KIF16B: variants seen among roughly 807,000 people sequenced by gnomAD.
The protein encoded by KIF16B is kinesin-like protein KIF16B.
KIF16B carries 98 observed loss-of-function variants against 156.3 expected under a neutral mutation model. The ratio of observed to expected loss-of-function variants is 0.63; its 90% CI spans 0.53 to 0.74. KIF16B has a LOEUF of 0.74. Ranked by LOEUF, KIF16B falls within the 30% of genes least tolerant of loss-of-function variation. KIF16B has a pLI of 0.00. For synonymous variants in KIF16B, 564 were observed against 583.7 expected (o/e 0.97, Z 0.49); for missense variants, 1,421 against 1,606.5 (o/e 0.88, Z 1.97).
At chr20:16,295,433 A>G (rs936692443) in intron 25 of KIF16B, among the ~76,000 whole-genome samples, 1 of 151,734 alleles carries the variant, frequency 6.6e-6, no homozygotes, top group South Asian at 2.1e-4. Flanking sequence ...ATCTATACAC[A>G]TCTATAATCT....
intron 12 of KIF16B, among the ~76,000 whole-genome samples, chr20:16,434,520 TAGAA>T (rs1276259863): frequency 6.6e-6 from 1 of 152,212 alleles, no homozygotes; most frequent in Non-Finnish European, 1.5e-5. Flanking sequence ...TTCCCCCTCT[TAGAA>T]AGTCTACCTG....
rs2064659222 is a variant in KIF16B, at chr20:16,366,081, CAG to C, written c.3498+4503_3498+4504del. On this transcript the variant is annotated intron_variant, in intron 22 of 25. Transcript: ENST00000354981. Reference sequence around the variant, plus strand: ...GATAGGATTTTTGGACAGAGGGGGACAGAGAGGAAAGGGTTGATCAGAGGAGC... The same window carrying C: ...GATAGGATTTTTGGACAGAGGGGGACAGAGGAAAGGGTTGATCAGAGGAGC... Among the ~76,000 whole-genome samples the C allele has an allele frequency of 7.7e-4, 14 of 18,262 alleles. No homozygotes were observed. The African/African-American group carries it at 0.011, about 15-fold the overall frequency. The allele number at this position is 18,262 out of a possible 152,430, so 12.0% of individuals were successfully genotyped here. A position where few individuals can be genotyped will look rare whatever the true frequency, so the allele number is the denominator to read the frequency against.
intron 23 of KIF16B, among the ~76,000 whole-genome samples, chr20:16,336,385 T>C (rs938663960): frequency 6.6e-6 from 1 of 152,182 alleles, no homozygotes; most frequent in Non-Finnish European, 1.5e-5. Flanking sequence ...CACAACAGTA[T>C]ATTTTGCTTT....
At chr20:16,491,430 CAGT>C (rs2068288205) in intron 12 of KIF16B, among the ~76,000 whole-genome samples, 1 of 152,114 alleles carries the variant, frequency 6.6e-6, no homozygotes, top group African/African-American at 2.4e-5. Flanking sequence ...ACATAGAGTA[CAGT>C]ACAGAGGATA....
chr20:16,321,553 T>C (rs2063773198), intron 24 of KIF16B, among the ~76,000 whole-genome samples: 1 of 152,016 alleles, frequency 6.6e-6, no homozygotes, highest in African/African-American at 2.4e-5. Context: ...ATGCTGATGA[T>C]TAAAATCTCC....
chr20:16,391,973 G>A (rs1340248410), intron 17 of KIF16B, among the ~76,000 whole-genome samples: 1 of 152,172 alleles, frequency 6.6e-6, no homozygotes, highest in Non-Finnish European at 1.5e-5. Context: ...CAATGACAAG[G>A]AGTTACAGAC....
intron 25 of KIF16B, among the ~76,000 whole-genome samples, chr20:16,277,624 AC>A (rs934042385): frequency 6.6e-6 from 1 of 152,028 alleles, no homozygotes; most frequent in Non-Finnish European, 1.5e-5. Flanking sequence ...CTTGTTGTTG[AC>A]CCCAAAGTCA....
chr20:16,354,816 C>A (rs2064405974), intron 23 of KIF16B, among the ~76,000 whole-genome samples: 1 of 152,092 alleles, frequency 6.6e-6, no homozygotes, highest in Non-Finnish European at 1.5e-5. Context: ...CGTGGTGGCA[C>A]ATGCCTGTAA....
At chr20:16,541,206 A>G (rs2070183298) in intron 1 of KIF16B, among the ~76,000 whole-genome samples, 1 of 152,202 alleles carries the variant, frequency 6.6e-6, no homozygotes, top group Non-Finnish European at 1.5e-5. Context: ...TCTCCATGAA[A>G]TCATGAAAGC....
intron 12 of KIF16B, among the ~76,000 whole-genome samples, chr20:16,434,665 G>T (rs1276050429): frequency 6.6e-6 from 1 of 152,168 alleles, no homozygotes; most frequent in Non-Finnish European, 1.5e-5. Context: ...AGCTGCACCA[G>T]GCACACAGTA....
intron 12 of KIF16B, among the ~76,000 whole-genome samples, chr20:16,489,836 T>C (rs6044019): frequency 0.19 from 29,299 of 151,982 alleles, 5,148 homozygotes; most frequent in African/African-American, 0.48. Context: ...CCCGGTGATG[T>C]TGATGCTGCT....
intron 17 of KIF16B, among the ~76,000 whole-genome samples, chr20:16,383,671 A>G (rs955501698): frequency 5.4e-4 from 82 of 152,238 alleles, no homozygotes; most frequent in Non-Finnish European, 7.3e-5. Context: ...TGGTATCTTC[A>G]TACTTCAGTA....
At chr20:16,328,658 A>G (rs1041336551) in intron 24 of KIF16B, among the ~76,000 whole-genome samples, 3 of 152,206 alleles carry the variant, frequency 2.0e-5, no homozygotes, top group Non-Finnish European at 4.4e-5. Context: ...TCGGGCTGCT[A>G]TAACAAAATA....
At chr20:16,356,974 C>T (rs2064455591) in intron 22 of KIF16B, among the ~76,000 whole-genome samples, 1 of 152,164 alleles carries the variant, frequency 6.6e-6, no homozygotes, top group Non-Finnish European at 1.5e-5. Flanking sequence ...TAAAACAAAT[C>T]TCAAGTATTT....
intron 24 of KIF16B, among the ~76,000 whole-genome samples, chr20:16,313,086 A>G (rs1324025351): frequency 6.6e-6 from 1 of 152,214 alleles, no homozygotes; most frequent in Admixed American, 6.5e-5. Flanking sequence ...ATAAACAATA[A>G]GTTTTACTAC....
At chr20:16,371,632 G>A (rs1432618530) in intron 21 of KIF16B, 33 bp downstream of exon 21, 2 of 1,084,182 alleles carry the variant, frequency 1.8e-6, no homozygotes, top group Non-Finnish European at 2.8e-6. Flanking sequence ...GAACGAACTT[G>A]TTACTTCGTG....
At chr20:16,565,696 C>A (rs1383228009) in intron 1 of KIF16B, among the ~76,000 whole-genome samples, 3 of 152,230 alleles carry the variant, frequency 2.0e-5, no homozygotes, top group Non-Finnish European at 4.4e-5. Flanking sequence ...AAATGCGCAT[C>A]CGCAGAGCTG....
intron 17 of KIF16B, among the ~76,000 whole-genome samples, chr20:16,388,025 T>C (rs1195373899): frequency 6.6e-6 from 1 of 152,358 alleles, no homozygotes; most frequent in Non-Finnish European, 1.5e-5. Context: ...TGTGATTTTC[T>C]TTCTGTGACC....
chr20:16,367,084 CA>C, intron 22 of KIF16B: 10 of 1,472,826 alleles, frequency 6.8e-6, no homozygotes, highest in Non-Finnish European at 9.0e-6. Context: ...TGACTGTTTT[CA>C]CAATGCTTAT....
Sources: gnomAD v4.1 joint callset for allele counts (sites outside exome capture counted in the v4.1 genomes callset) on GRCh38, gnomAD v4.1.1 for gene constraint, MANE v1.5 for transcripts, NCBI Gene and HGNC (gene_info 2026-07-23, HGNC 2026-07-21) for gene names.